The following INTS10 variants were observed in gnomAD, a reference collection of about 807,000 sequenced individuals.
INTS10 encodes the protein chromosome 8 open reading frame 35.
A neutral mutation model predicts 94.4 loss-of-function variants in INTS10; 44 were observed. The observed-to-expected ratio is 0.47, with a 90% confidence interval of 0.37 to 0.60. The LOEUF is 0.60. INTS10 is among the 20% of genes least tolerant of loss of function. The pLI is 0.00. For synonymous variants in INTS10, 341 were observed against 320.7 expected, an observed-to-expected ratio of 1.06 and a Z score of -0.68; for missense variants, 797 against 868.7, an observed-to-expected ratio of 0.92 and a Z score of 1.04.
At chr8:19,833,719 A>G (rs969524556) in intron 12 of INTS10, among the ~76,000 whole-genome samples, 1 of 152,152 alleles carries the variant, frequency 6.6e-6, no homozygotes, top group African/African-American at 2.4e-5. Context: ...TTAAATGGTA[A>G]TAACACGCCC....
intron 13 of INTS10, among the ~76,000 whole-genome samples, chr8:19,838,168 C>A (rs886280631): frequency 6.6e-6 from 1 of 152,058 alleles, no homozygotes; most frequent in African/African-American, 2.4e-5. Context: ...CCAGTGTGGG[C>A]AACATGGTGA....
At chr8:19,842,703 G>A (rs1315868861) in intron 13 of INTS10, 145 bp from the exon 14 acceptor site, 2 of 564,130 alleles carry the variant, frequency 3.5e-6, no homozygotes, top group African/African-American at 1.9e-5. Flanking sequence ...AAGTATAATT[G>A]TGTTTCAAAT....
chr8:19,820,069 T>C (rs1026912125), intron 3 of INTS10, among the ~76,000 whole-genome samples: 2 of 152,234 alleles, frequency 1.3e-5, no homozygotes, highest in Non-Finnish European at 1.5e-5. Flanking sequence ...AGTAGATGCA[T>C]AGGTCATTTG....
At chr8:19,850,718 C>A (rs980102915) in intron 16 of INTS10, among the ~76,000 whole-genome samples, 1 of 152,138 alleles carries the variant, frequency 6.6e-6, no homozygotes, top group African/African-American at 2.4e-5. Context: ...CTAAGTCTAC[C>A]AAATTGCTGA....
At chr8:19,825,183 G>GC (rs2066698716) in intron 8 of INTS10, among the ~76,000 whole-genome samples, 1 of 152,202 alleles carries the variant, frequency 6.6e-6, no homozygotes, top group South Asian at 2.1e-4. Context: ...ATATCAAAGG[G>GC]CGTAATGGTA....
chr8:19,826,529 G>A lies in INTS10; in HGVS notation c.1110G>A (p.Arg370=), dbSNP rs2066808296. 1.2e-6 allele frequency: 2 copies of A among 1,612,492 alleles called. No homozygotes were observed. Among genetic ancestry groups the A allele is most frequent in the East Asian group, 2.2e-5 (1 of 44,814 alleles). Residue 370 remains arginine, a synonymous_variant, in exon 9 of 17, where the codon AGG becomes AGA. Transcript: ENST00000397977. The part of the protein sequence containing the change: ...IDRNKHIHKK[R]KLAEGREKTM... ...GTAATAAACACATCCATAAAAAGAG[G>A]AAACTAGCTGAAGGAAGAGAAAAAA...
intron 13 of INTS10, among the ~76,000 whole-genome samples, chr8:19,840,669 G>C (rs1258942925): frequency 1.3e-5 from 2 of 149,438 alleles, no homozygotes; most frequent in African/African-American, 5.1e-5. Flanking sequence ...AATTCAATAA[G>C]GAAAGGAAAG....
chr8:19,828,721 GGT>G (rs2066996207), intron 9 of INTS10, among the ~76,000 whole-genome samples: 4 of 144,958 alleles, frequency 2.8e-5, no homozygotes, highest in African/African-American at 5.0e-5. Flanking sequence ...ATACGGTTGT[GGT>G]TTTTTTTTTT....
At position 19,849,665 on chromosome 8, in the gene INTS10, G is replaced by A. The variant is rs760325879; in HGVS notation, c.1977-1984G>A. 2.6e-5 allele frequency among the ~76,000 whole-genome samples: 4 copies of A among 152,000 alleles called. No homozygotes were observed. The highest frequency in any genetic ancestry group is 6.6e-5 in the Admixed American group (1 of 15,254). On this transcript the variant is annotated intron_variant, in intron 16 of 16. Coordinates refer to ENST00000397977, the MANE Select transcript of INTS10 (RefSeq NM_018142.4). The surrounding 1 kb of genome is among the most constrained non-coding windows in gnomAD (Gnocchi z 4.6). ...ATTATGGTCATATTAGCAATTAGTTGCCTGGTATCTAAATAGGCACTAATG... is the reference window on the plus strand; with the variant it reads ...ATTATGGTCATATTAGCAATTAGTTACCTGGTATCTAAATAGGCACTAATG...
chr8:19,818,237 C>T, intron 1 of INTS10, 38 bp from the exon 2 acceptor site: 1 of 1,605,352 alleles, frequency 6.2e-7, no homozygotes, highest in Non-Finnish European at 8.5e-7. Flanking sequence ...GCCTTCTGGG[C>T]AGGGGTGAGT....
chr8:19,848,346 C>G (rs75575548), intron 16 of INTS10, among the ~76,000 whole-genome samples: 1 of 152,122 alleles, frequency 6.6e-6, no homozygotes, highest in African/African-American at 2.4e-5. Context: ...ACTGAGGGCA[C>G]CCGGTGCTTC....
intron 10 of INTS10, among the ~76,000 whole-genome samples, chr8:19,830,908 G>A (rs767069685): frequency 1.3e-5 from 2 of 152,128 alleles, no homozygotes; most frequent in Non-Finnish European, 2.9e-5. Flanking sequence ...TCCTGACCAC[G>A]TGATCCGCCC....
chr8:19,846,906 G>A lies in INTS10; in HGVS notation c.1976+1109G>A. ...AGTCAGTGTTAGAGTTTCTGCAAGA[G>A]ACTGAATCCTGAATGAGAAGAAAGT... is the stretch of plus-strand genomic sequence containing the variant. On this transcript the variant is annotated intron_variant, in intron 16 of 16. Transcript: ENST00000397977. The surrounding 1 kb of genome is among the most constrained non-coding windows in gnomAD (Gnocchi z 4.2). 6.6e-6 allele frequency among the ~76,000 whole-genome samples: 1 copy of A among 152,184 alleles called. No individual in the cohort carries two copies. Among genetic ancestry groups the A allele is most frequent in the Non-Finnish European group, 1.5e-5 (1 of 68,038 alleles).
intron 3 of INTS10, 22 bp downstream of exon 3, chr8:19,819,698 T>C: frequency 6.5e-7 from 1 of 1,541,458 alleles, no homozygotes; most frequent in Non-Finnish European, 8.9e-7. Context: ...GGTGTATAAG[T>C]TACCATTTCG....
chr8:19,823,781 A>G (rs1358557222), intron 6 of INTS10, 92 bp from the exon 7 acceptor site: 25 of 1,165,378 alleles, frequency 2.1e-5, no homozygotes, highest in Non-Finnish European at 3.0e-5. Context: ...TGCTCTGTGC[A>G]TTTTCATGGG....
intron 10 of INTS10, among the ~76,000 whole-genome samples, chr8:19,831,485 G>A (rs550295633): frequency 1.3e-5 from 2 of 152,080 alleles, no homozygotes; most frequent in Non-Finnish European, 2.9e-5. Context: ...AGGAGTTAGA[G>A]ACTAACCTGG....
At chr8:19,827,046 G>C (rs1047732028) in intron 9 of INTS10, among the ~76,000 whole-genome samples, 1 of 152,204 alleles carries the variant, frequency 6.6e-6, no homozygotes, top group Non-Finnish European at 1.5e-5. Flanking sequence ...TTTCATGAAG[G>C]AGGTCAACAT....
At chr8:19,850,320 C>T (rs573968762) in intron 16 of INTS10, among the ~76,000 whole-genome samples, 30 of 152,140 alleles carry the variant, frequency 2.0e-4, no homozygotes, top group African/African-American at 5.3e-4. Flanking sequence ...GGGACCTCAC[C>T]GATGCTATGT....
intron 12 of INTS10, 43 bp from the exon 13 acceptor site, chr8:19,837,009 A>G (rs1395126098): frequency 3.2e-6 from 4 of 1,262,534 alleles, no homozygotes; most frequent in African/African-American, 1.5e-5. Flanking sequence ...ATTTCAGTTC[A>G]GAAAGCTTCA....
Sources: gnomAD v4.1 joint callset for allele counts (sites outside exome capture counted in the v4.1 genomes callset) on GRCh38, gnomAD v4.1.1 for gene constraint, Gnocchi (gnomAD v3.1) non-coding constraint, MANE v1.5 for transcripts, NCBI Gene and HGNC (gene_info 2026-07-23, HGNC 2026-07-21) for gene names.